Variants in HDLBP observed in about 807,000 individuals in gnomAD.
HDLBP encodes the protein high density lipoprotein binding protein, also known as vigilin.
HDLBP carries 30 observed loss-of-function variants against 137.3 expected under a neutral mutation model. The observed-to-expected ratio is 0.22, with a 90% CI of 0.16 to 0.30. HDLBP has a LOEUF of 0.30. HDLBP is among the 10% of genes least tolerant of loss of function. HDLBP has a pLI of 1.00. For synonymous variants in HDLBP, 606 were observed against 596.0 expected (o/e 1.02, Z -0.24); for missense variants, 1,119 against 1,667.3 (o/e 0.67, Z 5.73).
chr2:241,261,172 G>A (rs1314354513), intron 5 of HDLBP, among the ~76,000 whole-genome samples: 2 of 120,740 alleles, frequency 1.7e-5, no homozygotes, highest in Non-Finnish European at 3.2e-5. Flanking sequence ...TCCAGCCTGG[G>A]CAACAAAGTG....
At chr2:241,232,240 G>T (rs2069849177) in intron 24 of HDLBP, among the ~76,000 whole-genome samples, 1 of 151,272 alleles carries the variant, frequency 6.6e-6, no homozygotes, top group Non-Finnish European at 1.5e-5. Flanking sequence ...GGCTCATGGT[G>T]TATTAGATGG....
At chr2:241,315,509 TTC>T (rs1032622379) in intron 1 of HDLBP, 59 bp downstream of exon 1, 4 of 152,610 alleles carry the variant, frequency 2.6e-5, no homozygotes, top group African/African-American at 9.7e-5. Context: ...ACTTGTCTCC[TTC>T]TAACAAACGG....
At chr2:241,270,192 GA>G (rs1229415946) in intron 1 of HDLBP, among the ~76,000 whole-genome samples, 1 of 152,190 alleles carries the variant, frequency 6.6e-6, no homozygotes. Context: ...ACCCTATACT[GA>G]AAGGAGTCTC....
In HDLBP at chr2:241,315,580, C is replaced by T. The variant is rs1397537405; in HGVS notation, c.-113G>A. ...GAAGATTCTCATTACCTGTTCCACT[C>T]TTATAAGCATAAGAAAACCGAGCTC... On this transcript the variant is annotated 5_prime_UTR_variant, in exon 1 of 28. Coordinates refer to ENST00000310931, the MANE Select transcript of HDLBP (RefSeq NM_005336.6). The T allele has an allele frequency of 2.6e-5, 4 of 152,304 alleles. 1 individual carries two copies. In the South Asian group the frequency reaches 8.3e-4, roughly 31 times the overall value. The allele number at this position is 152,304 out of a possible 1,614,324, so 9.4% of individuals were successfully genotyped here. A position where few individuals can be genotyped will look rare whatever the true frequency, so the allele number is the denominator to read the frequency against.
intron 11 of HDLBP, 177 bp from the exon 12 acceptor site, chr2:241,250,157 T>A (rs568128830): frequency 1.7e-6 from 1 of 575,362 alleles, no homozygotes; most frequent in African/African-American, 1.9e-5. Flanking sequence ...GGGCCAGTTA[T>A]GATCTTCACC....
intron 16 of HDLBP, 134 bp downstream of exon 16, chr2:241,246,618 T>A: frequency 1.2e-6 from 1 of 856,622 alleles, no homozygotes; most frequent in Non-Finnish European, 1.8e-6. Context: ...ATCAGTAGCC[T>A]GGATTGAAAG....
intron 1 of HDLBP, among the ~76,000 whole-genome samples, chr2:241,298,281 G>A (rs548824027): frequency 5.9e-5 from 9 of 152,024 alleles, no homozygotes; most frequent in Admixed American, 2.0e-4. Context: ...CAGGAGAATC[G>A]CTTGAACCCG....
chr2:241,270,916 T>C (rs1330487907), intron 1 of HDLBP: 10 of 921,532 alleles, frequency 1.1e-5, no homozygotes, highest in Non-Finnish European at 1.2e-5. Flanking sequence ...CTAACAGTAC[T>C]GTCCAAATCA....
intron 4 of HDLBP, among the ~76,000 whole-genome samples, chr2:241,263,315 G>C (rs181114384): frequency 3.9e-4 from 60 of 152,372 alleles, no homozygotes; most frequent in African/African-American, 1.4e-3. Context: ...CAGGAAAGCG[G>C]AGGAGGTGGA....
chr2:241,271,397 C>G (rs555664746), intron 1 of HDLBP, among the ~76,000 whole-genome samples: 14 of 152,218 alleles, frequency 9.2e-5, no homozygotes, highest in Non-Finnish European at 1.9e-4. Flanking sequence ...AACCAAGACC[C>G]CTTTCCGCCC....
At position 241,230,370 on chromosome 2, in the gene HDLBP, G is replaced by T. The variant is rs1044460913; in HGVS notation, c.3475-101C>A. ...TGAAGCATTTTCTGAGTTAGCAAAC[G>T]TTTTAAAATCTGGTTTCAGAGTTGT... On this transcript the variant is annotated intron_variant, in intron 25 of 27. Coordinates refer to ENST00000310931, the MANE Select transcript of HDLBP (RefSeq NM_005336.6). The surrounding 1 kb of genome is among the most constrained non-coding windows in gnomAD (Gnocchi z 5.0). The T allele has an allele frequency of 2.5e-6, 2 of 794,020 alleles. No homozygotes were observed. Among genetic ancestry groups the T allele is most frequent in the South Asian group, 3.4e-5 (2 of 58,036 alleles). The allele number at this position is 794,020 out of a possible 1,614,324, so 49.2% of individuals were successfully genotyped here. A position where few individuals can be genotyped will look rare whatever the true frequency, so the allele number is the denominator to read the frequency against.
chr2:241,257,306 C>A (rs1424703038), intron 5 of HDLBP, among the ~76,000 whole-genome samples: 1 of 152,216 alleles, frequency 6.6e-6, no homozygotes, highest in African/African-American at 2.4e-5. Context: ...CATCTTGGCT[C>A]ACTGTAACCT....
intron 1 of HDLBP, among the ~76,000 whole-genome samples, chr2:241,298,970 T>C (rs1257479079): frequency 6.6e-6 from 1 of 152,228 alleles, no homozygotes; most frequent in Non-Finnish European, 1.5e-5. Flanking sequence ...GGAATGAGAA[T>C]GCGCTGCCTG....
chr2:241,302,492 G>A (rs1350544770), intron 1 of HDLBP: 1 of 152,252 alleles, frequency 6.6e-6, no homozygotes, highest in Non-Finnish European at 1.5e-5. Context: ...GCAATGAGTT[G>A]TGATCACAGC....
intron 7 of HDLBP, among the ~76,000 whole-genome samples, 198 bp from the exon 8 acceptor site, chr2:241,255,778 T>C (rs548979829): frequency 1.3e-5 from 2 of 152,360 alleles, no homozygotes; most frequent in South Asian, 4.1e-4. Context: ...CCCCTCAGTC[T>C]AGTCACCCGC....
chr2:241,246,940 A>G (rs996526871), intron 15 of HDLBP, 57 bp from the exon 16 acceptor site: 1 of 1,597,826 alleles, frequency 6.3e-7, no homozygotes, highest in African/African-American at 1.3e-5. Context: ...GAGTTGAGAC[A>G]CAGTTGAGCA....
chr2:241,288,738 C>T (rs578172067), intron 1 of HDLBP, among the ~76,000 whole-genome samples: 1 of 152,326 alleles, frequency 6.6e-6, no homozygotes, highest in South Asian at 2.1e-4. Flanking sequence ...CCTGCACACA[C>T]ACATACTCCT....
At chr2:241,276,407 A>G (rs1364849913) in intron 1 of HDLBP, among the ~76,000 whole-genome samples, 2 of 152,200 alleles carry the variant, frequency 1.3e-5, no homozygotes, top group East Asian at 3.8e-4. Context: ...TAAAGAAAAG[A>G]GAGAAAACAA....
chr2:241,309,736 C>T (rs993431313), intron 1 of HDLBP, among the ~76,000 whole-genome samples: 1 of 152,206 alleles, frequency 6.6e-6, no homozygotes, highest in African/African-American at 2.4e-5. Context: ...GAAGTAGAAT[C>T]TTTGGACTGG....
Sources: allele counts gnomAD v4.1 joint callset (sites outside exome capture counted in the v4.1 genomes callset), GRCh38; gene constraint gnomAD v4.1.1; non-coding constraint Gnocchi (gnomAD v3.1); transcripts MANE v1.5; gene names NCBI Gene and HGNC (gene_info 2026-07-23, HGNC 2026-07-21).